Variants in UGT3A2 observed in about 807,000 individuals in gnomAD.
UGT3A2 encodes the protein UDP-glycosyltransferase 3A2.
A neutral mutation model predicts 39.8 loss-of-function variants in UGT3A2; 32 were observed. That is an observed-to-expected ratio of 0.80 (90% CI 0.61 to 1.08). UGT3A2 has a LOEUF of 1.08. UGT3A2 is among the 50% of genes least tolerant of loss of function. UGT3A2 has a pLI of 0.00. For missense variants in UGT3A2, 611 were observed against 637.1 expected, an observed-to-expected ratio of 0.96 and a Z score of 0.44; for synonymous variants, 241 against 230.7, an observed-to-expected ratio of 1.04 and a Z score of -0.40.
At chr5:36,045,929 G>GA (rs1162131303) in intron 4 of UGT3A2, among the ~76,000 whole-genome samples, 8 of 150,900 alleles carry the variant, frequency 5.3e-5, no homozygotes, top group Admixed American at 6.6e-5. Flanking sequence ...AACTCTACGA[G>GA]AAAAAAAAAT....
At chr5:36,044,437 T>A (rs1021139532) in intron 4 of UGT3A2, among the ~76,000 whole-genome samples, 12 of 152,080 alleles carry the variant, frequency 7.9e-5, no homozygotes, top group African/African-American at 2.9e-4. Flanking sequence ...GGATGCCCAC[T>A]TTTACCACAG....
intron 2 of UGT3A2, among the ~76,000 whole-genome samples, chr5:36,057,564 C>A (rs1036908184): frequency 4.1e-5 from 6 of 147,246 alleles, no homozygotes; most frequent in Non-Finnish European, 1.5e-5. Context: ...CAGACTGGGT[C>A]TCACTTTATT....
chr5:36,050,093 TA>T (rs1052684108), intron 3 of UGT3A2, among the ~76,000 whole-genome samples: 39 of 147,288 alleles, frequency 2.6e-4, no homozygotes, highest in African/African-American at 9.1e-4. Flanking sequence ...TTTTATTCGT[TA>T]TTGTTATTTT....
intron 4 of UGT3A2, among the ~76,000 whole-genome samples, chr5:36,047,534 C>T (rs1033621602): frequency 1.3e-5 from 2 of 152,210 alleles, no homozygotes; most frequent in Non-Finnish European, 2.9e-5. Context: ...CTACTGGATT[C>T]CAGCCAGCAT....
chr5:36,058,822 G>GT (rs1742594707), intron 2 of UGT3A2, among the ~76,000 whole-genome samples: 1 of 152,266 alleles, frequency 6.6e-6, no homozygotes, highest in African/African-American at 2.4e-5. Context: ...GTCTCAAGTA[G>GT]TAAGAGTAAT....
At chr5:36,038,945 G>T (rs757352170) in intron 5 of UGT3A2, among the ~76,000 whole-genome samples, 15 of 152,186 alleles carry the variant, frequency 9.9e-5, no homozygotes, top group Non-Finnish European at 2.1e-4. Context: ...TTGGCACACA[G>T]GTATGTTGGC....
At position 36,037,782 on chromosome 5, in the gene UGT3A2, C is replaced by G. The variant is rs1274008927; in HGVS notation, c.1295+15G>C. On this transcript the variant is annotated intron_variant, in intron 6 of 6. Transcript: ENST00000282507. ...TCATTCGTCATTATGACCACAACCC[C>G]AAGGAGCTGCATACCTCTTGTCTTC... The G allele has an allele frequency of 6.2e-7, 1 of 1,614,040 alleles. No individual in the cohort carries two copies. The highest frequency in any genetic ancestry group is 1.1e-5 in the South Asian group (1 of 91,046).
intron 1 of UGT3A2, among the ~76,000 whole-genome samples, chr5:36,065,000 G>C (rs936906171): frequency 1.3e-5 from 2 of 152,132 alleles, no homozygotes; most frequent in Admixed American, 6.5e-5. Flanking sequence ...GGGCGCTTGG[G>C]GTGGGCCTGC....
rs367709285 is a variant in UGT3A2, at chr5:36,035,329, G to T, written c.*369C>A. 57 of 267,212 alleles carry T rather than the reference G, an allele frequency of 2.1e-4. No homozygotes were observed. Among genetic ancestry groups the T allele is most frequent in the African/African-American group, 1.2e-3 (55 of 46,326 alleles). The allele number at this position is 267,212 out of a possible 1,614,324, so 16.6% of individuals were successfully genotyped here. A position where few individuals can be genotyped will look rare whatever the true frequency, so the allele number is the denominator to read the frequency against. On this transcript the variant is annotated 3_prime_UTR_variant, in exon 7 of 7. Coordinates refer to ENST00000282507, the MANE Select transcript of UGT3A2 (RefSeq NM_174914.4). ...GAGAGGCTGACTAGGTCTGGACATG[G>T]AGGCTGGAAGAGTCAGGGTGTGATT... is the stretch of plus-strand genomic sequence containing the variant.
At chr5:36,066,199 C>T (rs1236572545) in intron 1 of UGT3A2, among the ~76,000 whole-genome samples, 1 of 152,202 alleles carries the variant, frequency 6.6e-6, no homozygotes, top group Non-Finnish European at 1.5e-5. Flanking sequence ...CCTGCCTGCG[C>T]CACCCTGGCT....
At chr5:36,065,610 G>A (rs1346857458) in intron 1 of UGT3A2, among the ~76,000 whole-genome samples, 2 of 152,126 alleles carry the variant, frequency 1.3e-5, no homozygotes, top group African/African-American at 4.8e-5. Context: ...GTCTTCAAAT[G>A]GACTTGCACT....
At chr5:36,054,974 C>T (rs1742459056) in intron 2 of UGT3A2, among the ~76,000 whole-genome samples, 1 of 152,096 alleles carries the variant, frequency 6.6e-6, no homozygotes, top group African/African-American at 2.4e-5. Flanking sequence ...TCATATTCTC[C>T]TCATACCTTT....
intron 3 of UGT3A2, among the ~76,000 whole-genome samples, chr5:36,050,368 G>T (rs1742304812): frequency 6.6e-6 from 1 of 152,140 alleles, no homozygotes; most frequent in Admixed American, 6.5e-5. Context: ...TGCAGTAAGT[G>T]CAAGAGCTCT....
Position 36,066,705 on chromosome 5 carries a change from A to T in UGT3A2, c.85T>A (p.Ser29Thr), listed in dbSNP as rs781518061. ...LSEAAKILTI[S>T]TVGGSHYLLM... is the part of the protein sequence containing the mutation. ...CCGGCCAAGCACTCACCTACTGTAG[A>T]TATTGTCAGGATTTTGGCAGCCTCT... Residue 29 changes from serine (S) to threonine (T), a missense_variant, in exon 1 of 7, where the codon TCT becomes ACT. Physicochemically the swap from Ser to Thr is moderately conservative, Grantham distance 58. Coordinates refer to ENST00000282507, the MANE Select transcript of UGT3A2 (RefSeq NM_174914.4). 2.5e-6 allele frequency: 4 copies of T among 1,613,964 alleles called. No individual in the cohort carries two copies. The highest frequency in any genetic ancestry group is 3.4e-6 in the Non-Finnish European group (4 of 1,180,024).
intron 2 of UGT3A2, among the ~76,000 whole-genome samples, chr5:36,058,905 A>G (rs376800830): frequency 3.5e-4 from 53 of 152,308 alleles, no homozygotes; most frequent in African/African-American, 1.3e-3. Flanking sequence ...AGGGATAAAT[A>G]GGGACATTCA....
At chr5:36,041,777 A>G (rs1350450632) in intron 4 of UGT3A2, among the ~76,000 whole-genome samples, 1 of 152,198 alleles carries the variant, frequency 6.6e-6, no homozygotes. Context: ...TTTCTCAAGA[A>G]GGACAGGTAC....
intron 1 of UGT3A2, 75 bp from the exon 2 acceptor site, chr5:36,064,425 A>T: frequency 7.7e-7 from 1 of 1,293,962 alleles, no homozygotes; most frequent in South Asian, 1.3e-5. Flanking sequence ...TCAATCCAGG[A>T]GAGGAAAGGT....
At chr5:36,062,759 G>C (rs1476042210) in intron 2 of UGT3A2, among the ~76,000 whole-genome samples, 1 of 152,166 alleles carries the variant, frequency 6.6e-6, no homozygotes, top group Non-Finnish European at 1.5e-5. Context: ...AATGGTTTTG[G>C]CTGGATGCAG....
At chr5:36,055,181 T>C (rs2111749297) in intron 2 of UGT3A2, among the ~76,000 whole-genome samples, 1 of 152,032 alleles carries the variant, frequency 6.6e-6, no homozygotes, top group South Asian at 2.1e-4. Flanking sequence ...CCCTCGTGGG[T>C]ATGTCATAGT....
Sources: allele counts gnomAD v4.1 joint callset (sites outside exome capture counted in the v4.1 genomes callset), GRCh38; gene constraint gnomAD v4.1.1; transcripts MANE v1.5; gene names NCBI Gene and HGNC (gene_info 2026-07-23, HGNC 2026-07-21).